RALGAPA2: variants seen among roughly 807,000 people sequenced by gnomAD.
RALGAPA2 encodes ral GTPase-activating protein subunit alpha-2.
Under a neutral mutation model 230.4 loss-of-function variants are expected in RALGAPA2, and 139 were observed. The observed-to-expected ratio is 0.60, with a 90% CI of 0.53 to 0.69. RALGAPA2 has a LOEUF of 0.69. Ranked by LOEUF, RALGAPA2 falls within the 30% of genes least tolerant of loss-of-function variation. The pLI is 0.00. For missense variants in RALGAPA2, 2,163 were observed against 2,276.0 expected (o/e 0.95, Z 1.01); for synonymous variants, 847 against 837.8 (o/e 1.01, Z -0.19).
intron 18 of RALGAPA2, among the ~76,000 whole-genome samples, chr20:20,588,072 C>G (rs1298997491): frequency 1.3e-5 from 2 of 152,138 alleles, no homozygotes; most frequent in African/African-American, 4.8e-5. Flanking sequence ...CAGGGGTTAT[C>G]TTGTAAAGAA....
chr20:20,567,060 C>A (rs1269012140), intron 23 of RALGAPA2, among the ~76,000 whole-genome samples: 1 of 152,170 alleles, frequency 6.6e-6, no homozygotes, highest in Non-Finnish European at 1.5e-5. Context: ...GAGAATTTAA[C>A]TTTGATGTAT....
At chr20:20,523,781 T>C (rs936961975) in intron 30 of RALGAPA2, among the ~76,000 whole-genome samples, 3 of 152,200 alleles carry the variant, frequency 2.0e-5, no homozygotes, top group Non-Finnish European at 2.9e-5. Flanking sequence ...TAGATATCCC[T>C]ATAATATGAA....
chr20:20,549,098 C>A (rs1033157421), intron 23 of RALGAPA2, among the ~76,000 whole-genome samples: 11 of 152,098 alleles, frequency 7.2e-5, no homozygotes, highest in African/African-American at 2.7e-4. Flanking sequence ...ATCAAATAAG[C>A]CCCTTTTCAC....
At chr20:20,509,597 C>T (rs928825876) in intron 33 of RALGAPA2, among the ~76,000 whole-genome samples, 24 of 152,132 alleles carry the variant, frequency 1.6e-4, no homozygotes, top group African/African-American at 5.8e-4. Context: ...TGGAAACATA[C>T]ACAAAACAGT....
chr20:20,410,229 G>A (rs1379596631), intron 38 of RALGAPA2, among the ~76,000 whole-genome samples: 2 of 151,960 alleles, frequency 1.3e-5, no homozygotes, highest in African/African-American at 4.8e-5. Context: ...CATTTCTATT[G>A]GTTTAAATAA....
intron 14 of RALGAPA2, among the ~76,000 whole-genome samples, chr20:20,605,693 C>T (rs1042631857): frequency 6.6e-6 from 1 of 152,162 alleles, no homozygotes; most frequent in African/African-American, 2.4e-5. Context: ...ACAAAGCCCT[C>T]CGCACAGTGA....
intron 28 of RALGAPA2, among the ~76,000 whole-genome samples, chr20:20,526,008 T>C (rs1418134798): frequency 6.6e-6 from 1 of 152,148 alleles, no homozygotes; most frequent in Non-Finnish European, 1.5e-5. Context: ...CTCTTTGTTG[T>C]GGTCGTGCCT....
intron 1 of RALGAPA2, among the ~76,000 whole-genome samples, chr20:20,694,426 T>A (rs1346405432): frequency 6.6e-6 from 1 of 152,190 alleles, no homozygotes; most frequent in Non-Finnish European, 1.5e-5. Context: ...GGAACCCTCT[T>A]TACCTCCAGG....
chr20:20,663,668 T>G (rs891787085), intron 3 of RALGAPA2, among the ~76,000 whole-genome samples: 6 of 152,132 alleles, frequency 3.9e-5, no homozygotes, highest in Admixed American at 6.5e-5. Context: ...CTCAGCTCAC[T>G]ACAATCTCTG....
At chr20:20,650,310 G>C (rs1210206663) in intron 4 of RALGAPA2, among the ~76,000 whole-genome samples, 1 of 152,162 alleles carries the variant, frequency 6.6e-6, no homozygotes, top group African/African-American at 2.4e-5. Context: ...AAGATGACAT[G>C]ATAAGAAACA....
chr20:20,403,319 C>T (rs1443008149), intron 38 of RALGAPA2, among the ~76,000 whole-genome samples: 3 of 152,226 alleles, frequency 2.0e-5, no homozygotes, highest in Non-Finnish European at 4.4e-5. Flanking sequence ...AACCCACTTT[C>T]GTGGGCTTTA....
intron 3 of RALGAPA2, among the ~76,000 whole-genome samples, chr20:20,664,098 T>C (rs2067877481): frequency 6.6e-6 from 1 of 152,212 alleles, no homozygotes; most frequent in African/African-American, 2.4e-5. Context: ...CAGAATGGCA[T>C]GCAATTTAAA....
At chr20:20,567,825 G>A (rs1353851388) in intron 23 of RALGAPA2, among the ~76,000 whole-genome samples, 1 of 146,832 alleles carries the variant, frequency 6.8e-6, no homozygotes, top group Non-Finnish European at 1.5e-5. Flanking sequence ...CTGGGCAATG[G>A]AGCGATACCC....
intron 4 of RALGAPA2, among the ~76,000 whole-genome samples, chr20:20,645,625 T>C (rs1330161049): frequency 6.6e-6 from 1 of 152,232 alleles, no homozygotes; most frequent in Non-Finnish European, 1.5e-5. Context: ...GTATTTGATC[T>C]AGTCTATTCT....
chr20:20,653,564 T>C lies in RALGAPA2; in HGVS notation c.294A>G (p.Glu98=). The C allele has an allele frequency of 6.7e-7, 1 of 1,502,132 alleles. No individual in the cohort carries two copies. Among genetic ancestry groups the C allele is most frequent in the African/African-American group, 1.4e-5 (1 of 71,680 alleles). The allele number at this position is 1,502,132 out of a possible 1,614,324, so 93.1% of individuals were successfully genotyped here. ...GGTAATGCCATCGAAAGAAAATTCG[T>C]TCAGGTAGAAACTGCAGTATTTTCT... is the stretch of plus-strand genomic sequence containing the variant. ...LFEKILQFLP[E]RIFFRWHYQS... Residue 98 remains glutamate (E), a synonymous_variant, in exon 4 of 40, where the codon GAA becomes GAG. Coordinates refer to ENST00000202677, the MANE Select transcript of RALGAPA2 (RefSeq NM_020343.4).
chr20:20,712,450 T>A lies in RALGAPA2; in HGVS notation c.31A>T (p.Lys11Ter). 1 of 1,554,018 alleles carries A rather than the reference T, an allele frequency of 6.4e-7. No individual in the cohort carries two copies. The highest frequency in any genetic ancestry group is 1.9e-5 in the Admixed American group (1 of 51,572). The change falls in exon 1 of 40, where the codon AAG (lysine) becomes TAG (stop). Residue 11 changes from lysine (K) to a stop codon, truncating the protein, a stop_gained. Coordinates refer to ENST00000202677, the MANE Select transcript of RALGAPA2 (RefSeq NM_020343.4). LOFTEE classifies it high-confidence loss of function. The surrounding 1 kb of genome is among the most constrained non-coding windows in gnomAD (Gnocchi z 5.5). MFSRRSHGDV[K>*]KSTQKVLDPK... Reference sequence around the variant, plus strand: ...TCCAGCACCTTCTGGGTGGACTTCTTCACATCCCCGTGGCTCCTTCGGGAG... The same window carrying A: ...TCCAGCACCTTCTGGGTGGACTTCTACACATCCCCGTGGCTCCTTCGGGAG...
chr20:20,677,528 G>A (rs1436125484), intron 2 of RALGAPA2, among the ~76,000 whole-genome samples: 2 of 151,614 alleles, frequency 1.3e-5, no homozygotes, highest in Non-Finnish European at 2.9e-5. Context: ...GAGTAGGTGA[G>A]GCAAAAGAAG....
intron 37 of RALGAPA2, among the ~76,000 whole-genome samples, chr20:20,440,459 A>G (rs1252720972): frequency 1.3e-5 from 2 of 152,222 alleles, no homozygotes; most frequent in Non-Finnish European, 1.5e-5. Context: ...TGTACAATAC[A>G]GAAACAGGTA....
In RALGAPA2 at chr20:20,526,103, AC is replaced by A. The variant is rs2063193591; in HGVS notation, c.3693+148del. 7 of 636,678 alleles carry A rather than the reference AC, an allele frequency of 1.1e-5. No homozygotes were observed. In the Admixed American group the frequency reaches 2.3e-4, roughly 21 times the overall value. The allele number at this position is 636,678 out of a possible 1,614,324, so 39.4% of individuals were successfully genotyped here. A position where few individuals can be genotyped will look rare whatever the true frequency, so the allele number is the denominator to read the frequency against. Reference sequence around the variant, plus strand: ...GTGCCTGAAATCACAGCTGAGAAGAACCAGTCTAACTTAATCTTAAAACGAG... The same window carrying A: ...GTGCCTGAAATCACAGCTGAGAAGAACAGTCTAACTTAATCTTAAAACGAG... On this transcript the variant is annotated intron_variant, in intron 28 of 39. Transcript: ENST00000202677.
Sources: allele counts gnomAD v4.1 joint callset (sites outside exome capture counted in the v4.1 genomes callset), GRCh38; gene constraint gnomAD v4.1.1; non-coding constraint Gnocchi (gnomAD v3.1); transcripts MANE v1.5; gene names NCBI Gene and HGNC (gene_info 2026-07-23, HGNC 2026-07-21).